SPTBN2: variants seen among roughly 807,000 people sequenced by gnomAD.
The protein encoded by SPTBN2 is spectrin beta, non-erythrocytic 2, also known as spectrin beta chain, non-erythrocytic 2.
Under a neutral mutation model 284.2 loss-of-function variants are expected in SPTBN2, and 107 were observed. The ratio of observed to expected loss-of-function variants is 0.38; its 90% confidence interval spans 0.32 to 0.44. The LOEUF (loss-of-function observed/expected upper bound fraction) is 0.44. Ranked by LOEUF, SPTBN2 falls within the 20% of genes least tolerant of loss-of-function variation. The pLI is 1.00. For synonymous variants in SPTBN2, 1,289 were observed against 1,354.8 expected, an observed-to-expected ratio of 0.95 and a Z score of 1.07; for missense variants, 2,569 against 3,287.1, an observed-to-expected ratio of 0.78 and a Z score of 5.34.
At position 66,684,525 on chromosome 11, in the gene SPTBN2, C is replaced by G. The variant is rs1590898408; in HGVS notation, c.*1346G>C. Among the ~76,000 whole-genome samples, 2 of 151,558 alleles carry G rather than the reference C, an allele frequency of 1.3e-5. No individual in the cohort carries two copies. Among genetic ancestry groups the G allele is most frequent in the African/African-American group, 4.9e-5 (2 of 41,178 alleles). On this transcript the variant is annotated 3_prime_UTR_variant, in exon 38 of 38. Coordinates refer to ENST00000533211, the MANE Select transcript of SPTBN2 (RefSeq NM_006946.4). ...TGGCATGTGCCTGTGGTTCAGGCTA[C>G]TCGGGAGGCTGAGGTGGGAGGATTG...
chr11:66,721,293 T>G, intron 2 of SPTBN2, 31 bp from the exon 3 acceptor site: 178 of 1,603,544 alleles, frequency 1.1e-4, no homozygotes, highest in Non-Finnish European at 1.4e-4. Flanking sequence ...GTGAGGGGTG[T>G]CCAGGGACCA....
In SPTBN2 at chr11:66,693,002, G is replaced by A. The variant is rs1253086927; in HGVS notation, c.4953C>T (p.Ser1651=). ...GGTGCTCGTGGTCAATCATGTCCTG[G>A]CTGCTGGCCGCCAGCTGGTGGATGG... ...AQTIHQLAAS[S]QDMIDHEHPE... is the part of the protein sequence containing the mutation. The change falls in exon 25 of 38, where the codon AGC becomes AGT. Residue 1651 remains serine, a synonymous_variant. Coordinates refer to ENST00000533211, the MANE Select transcript of SPTBN2 (RefSeq NM_006946.4). This position sits in a 1 kb window ranked among gnomAD's most constrained non-coding sequence, Gnocchi z 5.7. 1 of 1,609,700 alleles carries A rather than the reference G, an allele frequency of 6.2e-7. No homozygotes were observed. Among genetic ancestry groups the A allele is most frequent in the Non-Finnish European group, 8.5e-7 (1 of 1,179,972 alleles).
At chr11:66,686,523 A>G in intron 36 of SPTBN2, 83 bp from the exon 37 acceptor site, 4 of 1,489,320 alleles carry the variant, frequency 2.7e-6, no homozygotes, top group East Asian at 2.3e-5. Flanking sequence ...ATCATGACCC[A>G]ACACCAGGCT....
Position 66,694,173 on chromosome 11 carries a change from T to C in SPTBN2, c.4469A>G (p.Gln1490Arg), listed in dbSNP as rs1399638659. The C allele has an allele frequency of 6.2e-7, 1 of 1,611,314 alleles. No individual in the cohort carries two copies. Among genetic ancestry groups the C allele is most frequent in the South Asian group, 1.1e-5 (1 of 91,086 alleles). ...TTCCACATCGCGGTGGAACTGGTGC[T>C]GCTCGCGAGAAGCCTGCAGGCGCCG... ...RCRRLQASRE[Q>R]HQFHRDVEDE... Residue 1490 changes from glutamine to arginine, a missense_variant, in exon 22 of 38, where the codon CAG (glutamine) becomes CGG (arginine). By Grantham distance (43) the Gln-to-Arg change is conservative. Around this residue, in one of 6 missense-constraint regions of SPTBN2, gnomAD observed 1,130 missense variants for 1,317.3 expected, o/e 0.86. Coordinates refer to ENST00000533211, the MANE Select transcript of SPTBN2 (RefSeq NM_006946.4).
At position 66,710,154 on chromosome 11, in the gene SPTBN2, T is replaced by C. The variant is rs1314114451; in HGVS notation, c.1073+428A>G. Reference sequence around the variant, plus strand: ...GTCTCCCGGGTTCAGGTGGTTCTCCTGCCTCAGCCTCCCGAGTAGCTGGGA... The same window carrying C: ...GTCTCCCGGGTTCAGGTGGTTCTCCCGCCTCAGCCTCCCGAGTAGCTGGGA... On this transcript the variant is annotated intron_variant, in intron 10 of 37. Coordinates refer to ENST00000533211, the MANE Select transcript of SPTBN2 (RefSeq NM_006946.4). This position sits in a 1 kb window ranked among gnomAD's most constrained non-coding sequence, Gnocchi z 4.9. 6.6e-6 allele frequency among the ~76,000 whole-genome samples: 1 copy of C among 152,236 alleles called. No individual in the cohort carries two copies. The highest frequency in any genetic ancestry group is 1.5e-5 in the Non-Finnish European group (1 of 68,034).
intron 14 of SPTBN2, 81 bp downstream of exon 14, chr11:66,705,603 G>C: frequency 1.9e-6 from 3 of 1,603,320 alleles, no homozygotes; most frequent in Middle Eastern, 1.6e-4. Flanking sequence ...CCCGTCCCCA[G>C]GTTTCCCAAC....
Position 66,707,442 on chromosome 11 carries a change from G to A in SPTBN2, c.1653+74C>T, listed in dbSNP as rs549843121. 1.4e-5 allele frequency: 20 copies of A among 1,476,406 alleles called. No individual in the cohort carries two copies. Among genetic ancestry groups the A allele is most frequent in the African/African-American group, 5.6e-5 (4 of 71,844 alleles). 91.5% of individuals were successfully genotyped at this position (1,476,406 alleles called of 1,614,324 possible). ...CTCCACAGAGATCGGCCGAGCAGAC[G>A]GGCGGACGCACCCACTGTGGGGCCC... On this transcript the variant is annotated intron_variant, in intron 13 of 37. Coordinates refer to ENST00000533211, the MANE Select transcript of SPTBN2 (RefSeq NM_006946.4). The surrounding 1 kb of genome is among the most constrained non-coding windows in gnomAD (Gnocchi z 4.9).
At position 66,688,584 on chromosome 11, in the gene SPTBN2, T is replaced by C. The variant is rs2276136; in HGVS notation, c.6231+69A>G. On this transcript the variant is annotated intron_variant, in intron 31 of 37. Coordinates refer to ENST00000533211, the MANE Select transcript of SPTBN2 (RefSeq NM_006946.4). ...GTGGGAAGAGAGAAGACATGTCTTC[T>C]CCAAGCAGAAGCCAGCACAGGTCAG... 4.7e-3 allele frequency: 7,462 copies of C among 1,594,226 alleles called. 455 individuals carry two copies. The East Asian group carries it at 0.14, about 29-fold the overall frequency.
At position 66,713,628 on chromosome 11, in the gene SPTBN2, C is replaced by A; in HGVS notation, c.772+3G>T. On this transcript the variant is annotated splice_donor_region_variant and intron_variant, in intron 8 of 37. Transcript: ENST00000533211. ...CCTCTTTTTCACATAGCTCTGGCCC[C>A]ACCTTCGGGATCCAGCAGCTTGGTA... is the stretch of plus-strand genomic sequence containing the variant. 1 of 1,612,766 alleles carries A rather than the reference C, an allele frequency of 6.2e-7. No homozygotes were observed. Among genetic ancestry groups the A allele is most frequent in the Non-Finnish European group, 8.5e-7 (1 of 1,179,020 alleles).
chr11:66,730,451 G>A (rs1355550859), upstream of SPTBN2, among the ~76,000 whole-genome samples: 2 of 152,002 alleles, frequency 1.3e-5, no homozygotes, highest in Non-Finnish European at 2.9e-5. Flanking sequence ...GCGTGGTGGT[G>A]GGCATGAAAT....
rs534160802 is a variant in SPTBN2, at chr11:66,715,447, T to C, written c.310-52A>G. ...ACGGGACTGTGGGCTTCCACCTTCT[T>C]CCCCAGCCTTCACAGGGCCCAGCTT... On this transcript the variant is annotated intron_variant, in intron 4 of 37. Coordinates refer to ENST00000533211, the MANE Select transcript of SPTBN2 (RefSeq NM_006946.4). This position sits in a 1 kb window ranked among gnomAD's most constrained non-coding sequence, Gnocchi z 5.3. 6.4e-7 allele frequency: 1 copy of C among 1,571,250 alleles called. No homozygotes were observed. The highest frequency in any genetic ancestry group is 8.7e-7 in the Non-Finnish European group (1 of 1,155,806).
intron 1 of SPTBN2, among the ~76,000 whole-genome samples, chr11:66,722,076 G>A (rs1942431004): frequency 6.6e-6 from 1 of 152,150 alleles, no homozygotes; most frequent in Admixed American, 6.5e-5. Flanking sequence ...ACACTGTTTA[G>A]CAAGTGCCCA....
At chr11:66,696,203 G>A in intron 21 of SPTBN2, 74 bp downstream of exon 21, 1 of 1,583,834 alleles carries the variant, frequency 6.3e-7, no homozygotes, top group Non-Finnish European at 8.6e-7. Flanking sequence ...GGCCTCAGCT[G>A]GCCTCCCAAA....
chr11:66,725,724 C>T (rs1278604526), intron 1 of SPTBN2, among the ~76,000 whole-genome samples: 1 of 152,220 alleles, frequency 6.6e-6, no homozygotes, highest in Non-Finnish European at 1.5e-5. Flanking sequence ...GAATGCCAAC[C>T]CCCGCCGGCT....
intron 3 of SPTBN2, 140 bp from the exon 4 acceptor site, chr11:66,716,121 T>C: frequency 8.9e-7 from 1 of 1,125,950 alleles, no homozygotes; most frequent in South Asian, 1.3e-5. Context: ...GGAAGGAAGA[T>C]GACCGGGAGG....
chr11:66,742,941 A>G (rs373908076), intron 1 of SPTBN2, among the ~76,000 whole-genome samples: 65 of 152,336 alleles, frequency 4.3e-4, no homozygotes, highest in Middle Eastern at 3.4e-3. Flanking sequence ...AACCATCCTC[A>G]ATACCTTGGT....
Position 66,687,552 on chromosome 11 carries a change from A to G in SPTBN2, c.6597T>C (p.Ser2199=), listed in dbSNP as rs2135301331. Residue 2199 remains serine (S), a synonymous_variant, in exon 35 of 38, where the codon TCT becomes TCC. Transcript: ENST00000533211. The surrounding 1 kb of genome is among the most constrained non-coding windows in gnomAD (Gnocchi z 5.2). The part of the protein sequence containing the change: ...PAPSAMPQSR[S]TESAHAATLP... ...GGGTGGCAGCATGGGCTGACTCGGTAGACCTGCTCTGGGGCATTGCAGATG... is the reference window on the plus strand; with the variant it reads ...GGGTGGCAGCATGGGCTGACTCGGTGGACCTGCTCTGGGGCATTGCAGATG... 6.2e-7 allele frequency: 1 copy of G among 1,612,332 alleles called. No homozygotes were observed. The highest frequency in any genetic ancestry group is 8.5e-7 in the Non-Finnish European group (1 of 1,179,980).
Position 66,693,847 on chromosome 11 carries a change from C to T in SPTBN2, c.4518G>A (p.Glu1506=), listed in dbSNP as rs1414072186. The change falls in exon 23 of 38, where the codon GAG becomes GAA. Residue 1506 remains glutamate (E), a synonymous_variant. Transcript: ENST00000533211. The surrounding 1 kb of genome is among the most constrained non-coding windows in gnomAD (Gnocchi z 5.7). ...CCATGGAGCTGGCCATGGGCAGCCG[C>T]TCTGTCACCCACAACTGGAAGAGGA... ...DVEDEILWVT[E]RLPMASSMEH... is the part of the protein sequence containing the mutation. 1 of 1,613,992 alleles carries T rather than the reference C, an allele frequency of 6.2e-7. No individual in the cohort carries two copies. The highest frequency in any genetic ancestry group is 1.1e-5 in the South Asian group (1 of 91,028).
chr11:66,691,446 G>A lies in SPTBN2; in HGVS notation c.5403C>T (p.Tyr1801=), dbSNP rs770755387. Residue 1801 remains tyrosine (Y), a synonymous_variant, in exon 27 of 38, where the codon TAC becomes TAT. Transcript: ENST00000533211. This position sits in a 1 kb window ranked among gnomAD's most constrained non-coding sequence, Gnocchi z 8.0. ...DTRGQVLAAA[Y]ELQRFLHGAR... ...CCCCGTGCAGGAAGCGCTGCAGCTC[G>A]TACGCCGCGGCCAGCACCTGACCCC... 61 of 1,611,652 alleles carry A rather than the reference G, an allele frequency of 3.8e-5. No homozygotes were observed. The highest frequency in any genetic ancestry group is 2.5e-4 in the African/African-American group (19 of 74,936).
Sources: allele counts gnomAD v4.1 joint callset (sites outside exome capture counted in the v4.1 genomes callset), GRCh38; gene constraint gnomAD v4.1.1; regional missense constraint gnomAD v4.1.1; non-coding constraint Gnocchi (gnomAD v3.1); transcripts MANE v1.5; gene names NCBI Gene and HGNC (gene_info 2026-07-23, HGNC 2026-07-21).